GMDS: variants seen among roughly 807,000 people sequenced by gnomAD.
GMDS encodes GDP-mannose 4,6-dehydratase, also known as GDP-mannose 4,6 dehydratase.
A neutral mutation model predicts 49.9 loss-of-function variants in GMDS; 20 were observed. The ratio of observed to expected loss-of-function variants is 0.40; its 90% CI spans 0.28 to 0.58. The LOEUF (loss-of-function observed/expected upper bound fraction) is 0.58, where lower values mean the gene tolerates loss of function less well. GMDS is among the 20% of genes least tolerant of loss of function. The pLI is 0.42. For missense variants in GMDS, 362 were observed against 481.4 expected (o/e 0.75, Z 2.32); for synonymous variants, 177 against 178.6 (o/e 0.99, Z 0.07).
chr6:2,238,844 T>TAA (rs141417978), intron 1 of GMDS, among the ~76,000 whole-genome samples: 5 of 150,434 alleles, frequency 3.3e-5, no homozygotes, highest in Admixed American at 3.3e-4. Flanking sequence ...ATGTACCAGT[T>TAA]AAAAAAAAAA....
intron 1 of GMDS, among the ~76,000 whole-genome samples, chr6:2,143,505 A>T (rs1001104555): frequency 6.6e-6 from 1 of 152,234 alleles, no homozygotes; most frequent in African/African-American, 2.4e-5. Context: ...TTACTTAAAA[A>T]TCAGCTTGAT....
intron 9 of GMDS, among the ~76,000 whole-genome samples, chr6:1,667,181 C>T (rs760586981): frequency 7.2e-5 from 11 of 152,204 alleles, no homozygotes; most frequent in Admixed American, 6.5e-5. Context: ...GCGAGATGGC[C>T]GGCCTCAGAC....
intron 7 of GMDS, among the ~76,000 whole-genome samples, chr6:1,824,511 A>G (rs1771031005): frequency 6.6e-6 from 1 of 152,126 alleles, no homozygotes. Context: ...TGTTTTGGAA[A>G]AATATCACCA....
intron 9 of GMDS, among the ~76,000 whole-genome samples, chr6:1,724,037 T>A (rs1274786385): frequency 6.6e-6 from 1 of 152,214 alleles, no homozygotes; most frequent in African/African-American, 2.4e-5. Context: ...TTAGGAAAAC[T>A]TGTTGTTCTG....
chr6:1,652,094 C>T (rs564944179), intron 9 of GMDS, among the ~76,000 whole-genome samples: 28 of 151,354 alleles, frequency 1.8e-4, no homozygotes, highest in African/African-American at 6.3e-4. Flanking sequence ...CTTAACAGGC[C>T]GGGTGTGGTG....
chr6:2,128,477 G>A (rs775671167), intron 1 of GMDS, among the ~76,000 whole-genome samples: 4 of 152,018 alleles, frequency 2.6e-5, no homozygotes, highest in Middle Eastern at 3.2e-3. Context: ...TCCTACTCTC[G>A]CAAGAACTAA....
chr6:2,241,070 T>C (rs1195225152), intron 1 of GMDS, among the ~76,000 whole-genome samples: 1 of 152,136 alleles, frequency 6.6e-6, no homozygotes, highest in African/African-American at 2.4e-5. Context: ...TCAGACATCT[T>C]TGAGGCTGTC....
intron 1 of GMDS, among the ~76,000 whole-genome samples, chr6:2,130,847 G>C (rs1775697846): frequency 6.6e-6 from 1 of 152,104 alleles, no homozygotes; most frequent in African/African-American, 2.4e-5. Flanking sequence ...CAATGTGATA[G>C]GTTTTTAAAA....
intron 6 of GMDS, among the ~76,000 whole-genome samples, chr6:1,941,578 T>A (rs1345839101): frequency 6.6e-6 from 1 of 151,180 alleles, no homozygotes; most frequent in Non-Finnish European, 1.5e-5. Flanking sequence ...AGAATGGGGG[T>A]GAGATTTCGT....
At chr6:1,943,389 TCA>T (rs1439432611) in intron 6 of GMDS, among the ~76,000 whole-genome samples, 2 of 152,252 alleles carry the variant, frequency 1.3e-5, no homozygotes, top group African/African-American at 2.4e-5. Context: ...TTCAGTTTAC[TCA>T]CCTCAACTGT....
chr6:1,756,649 C>T (rs911534804), intron 7 of GMDS, among the ~76,000 whole-genome samples: 11 of 152,196 alleles, frequency 7.2e-5, no homozygotes, highest in African/African-American at 2.7e-4. Context: ...TCTCTGCTCC[C>T]GGTGGTGATG....
chr6:2,080,733 C>T (rs1308820300), intron 4 of GMDS, among the ~76,000 whole-genome samples: 1 of 152,074 alleles, frequency 6.6e-6, no homozygotes, highest in Non-Finnish European at 1.5e-5. Flanking sequence ...TTCCTTGGGC[C>T]CCAAGGCAGT....
At chr6:1,886,233 T>A (rs1449765180) in intron 7 of GMDS, among the ~76,000 whole-genome samples, 1 of 152,230 alleles carries the variant, frequency 6.6e-6, no homozygotes, top group African/African-American at 2.4e-5. Context: ...CATATACTTT[T>A]AGGACCTATC....
At chr6:1,859,559 T>C (rs6940806) in intron 7 of GMDS, among the ~76,000 whole-genome samples, 66,422 of 152,020 alleles carry the variant, frequency 0.44, 15,575 homozygotes, top group African/African-American at 0.63. Context: ...TTTTTGGTTT[T>C]GGTTTTTTGA....
At chr6:1,911,626 C>T (rs949871666) in intron 7 of GMDS, among the ~76,000 whole-genome samples, 1 of 151,638 alleles carries the variant, frequency 6.6e-6, no homozygotes, top group Non-Finnish European at 1.5e-5. Context: ...GCCTTCCACG[C>T]TGCATGGGCT....
At chr6:1,992,527 A>G (rs184475840) in intron 4 of GMDS, among the ~76,000 whole-genome samples, 2 of 152,216 alleles carry the variant, frequency 1.3e-5, no homozygotes, top group Admixed American at 6.5e-5. Flanking sequence ...ACCTGTTCCT[A>G]CTGCCTAAAA....
intron 7 of GMDS, among the ~76,000 whole-genome samples, chr6:1,786,500 C>T (rs535420068): frequency 6.6e-6 from 1 of 152,348 alleles, no homozygotes; most frequent in Admixed American, 6.5e-5. Context: ...GCTTCATGGG[C>T]AGGAGGGGAC....
intron 7 of GMDS, among the ~76,000 whole-genome samples, chr6:1,883,007 A>G (rs902404969): frequency 3.3e-5 from 5 of 152,244 alleles, no homozygotes; most frequent in African/African-American, 1.2e-4. Context: ...TGGCAGTACT[A>G]GCATGAGCCA....
intron 6 of GMDS, among the ~76,000 whole-genome samples, chr6:1,933,378 T>C (rs1420348785): frequency 1.3e-5 from 2 of 152,390 alleles, no homozygotes; most frequent in East Asian, 3.9e-4. Context: ...TAATTTCTTT[T>C]AGGTATATAC....
Sources: gnomAD v4.1 joint callset for allele counts (sites outside exome capture counted in the v4.1 genomes callset) on GRCh38, gnomAD v4.1.1 for gene constraint, MANE v1.5 for transcripts, NCBI Gene and HGNC (gene_info 2026-07-23, HGNC 2026-07-21) for gene names.